Variants in OTUD7B observed in about 807,000 individuals in gnomAD.
OTUD7B encodes the protein OTU deubiquitinase 7B, also known as OTU domain-containing protein 7B.
OTUD7B carries 34 observed loss-of-function variants against 82.2 expected under a neutral mutation model. The ratio of observed to expected loss-of-function variants is 0.41; its 90% confidence interval spans 0.31 to 0.55. The LOEUF (loss-of-function observed/expected upper bound fraction) is 0.55. Among genes scored for constraint, OTUD7B ranks in the 20% least tolerant of loss-of-function variants. OTUD7B has a pLI of 0.20. For synonymous variants in OTUD7B, 398 were observed against 402.7 expected (o/e 0.99, Z 0.14); for missense variants, 944 against 1,062.1 (o/e 0.89, Z 1.55).
intron 7 of OTUD7B, among the ~76,000 whole-genome samples, chr1:149,957,836 A>C (rs1648802896): frequency 6.6e-6 from 1 of 152,226 alleles, no homozygotes; most frequent in African/African-American, 2.4e-5. Context: ...CCTCCGAGCC[A>C]GGCACGGGAT....
At chr1:149,948,624 C>A (rs1647942658) in intron 10 of OTUD7B, among the ~76,000 whole-genome samples, 1 of 151,800 alleles carries the variant, frequency 6.6e-6, no homozygotes, top group South Asian at 2.1e-4. Flanking sequence ...CCCACCTCAG[C>A]CTCCCAAAGT....
chr1:149,943,945 G>C lies in OTUD7B; in HGVS notation c.2444C>G (p.Thr815Arg), dbSNP rs781882769. The change falls in exon 12 of 12, where the codon ACA (threonine) becomes AGA (arginine). Residue 815 changes from threonine (T) to arginine (R), a missense_variant. By Grantham distance (71) the Thr-to-Arg change is moderately conservative. Around this residue, in one of 3 missense-constraint regions of OTUD7B, gnomAD observed 412 missense variants for 418.7 expected, o/e 0.98. Transcript: ENST00000581312. Reference sequence around the variant, plus strand: ...GTAACAACAGGAACAGAAGTTGTTTGTCTCAGGGTGTCCATAGAAGCTGCA... The same window carrying C: ...GTAACAACAGGAACAGAAGTTGTTTCTCTCAGGGTGTCCATAGAAGCTGCA... ...PNCSFYGHPE[T>R]NNFCSCCYRE... 1 of 1,614,234 alleles carries C rather than the reference G, an allele frequency of 6.2e-7. No homozygotes were observed. The highest frequency in any genetic ancestry group is 8.5e-7 in the Non-Finnish European group (1 of 1,180,038).
chr1:149,976,776 T>G (rs782758795), intron 2 of OTUD7B, among the ~76,000 whole-genome samples: 13 of 152,084 alleles, frequency 8.5e-5, no homozygotes, highest in Non-Finnish European at 1.8e-4. Flanking sequence ...GATCCCATCA[T>G]GAAAACCCTA....
At chr1:150,064,553 G>C in the OTUD7B span, among the ~76,000 whole-genome samples, 1 of 152,092 alleles carries the variant, frequency 6.6e-6, no homozygotes, top group Non-Finnish European at 1.5e-5. Context: ...ATTTTGTGTA[G>C]AGACAAGGTT....
chr1:149,944,419 A>G lies in OTUD7B; in HGVS notation c.1970T>C (p.Ile657Thr), dbSNP rs1647537462. Residue 657 changes from isoleucine (I) to threonine (T), a missense_variant, in exon 12 of 12, where the codon ATA becomes ACA. Ile to Thr is a moderately conservative substitution (Grantham distance 89). Coordinates refer to ENST00000581312, the MANE Select transcript of OTUD7B (RefSeq NM_020205.4). ...TTTGGCTGGAGGAGGGCCACCCCCT[A>G]TTCCTCCATTCATGATCTTCCTCTC... is the stretch of plus-strand genomic sequence containing the variant. ...EAERKIMNGG[I>T]GGGPPPAKKP... 6.2e-7 allele frequency: 1 copy of G among 1,613,956 alleles called. No individual in the cohort carries two copies. Among genetic ancestry groups the G allele is most frequent in the Non-Finnish European group, 8.5e-7 (1 of 1,179,974 alleles).
the OTUD7B span, among the ~76,000 whole-genome samples, chr1:150,020,014 G>T: frequency 6.6e-6 from 1 of 152,172 alleles, no homozygotes; most frequent in African/African-American, 2.4e-5. Flanking sequence ...TGCAGTCCTG[G>T]CTACTCAGGA....
At chr1:150,012,938 T>G (rs1202184100), upstream of OTUD7B, among the ~76,000 whole-genome samples, 1 of 152,178 alleles carries the variant, frequency 6.6e-6, no homozygotes, top group Non-Finnish European at 1.5e-5. Context: ...CCTAATCCAT[T>G]AAGTGACTCC....
chr1:149,994,673 C>T (rs1392108488), intron 1 of OTUD7B, among the ~76,000 whole-genome samples: 7 of 151,556 alleles, frequency 4.6e-5, no homozygotes, highest in Non-Finnish European at 1.0e-4. Context: ...CGCAGTGGCA[C>T]GATCATAGCT....
chr1:150,064,233 G>A, the OTUD7B span, among the ~76,000 whole-genome samples: 1 of 152,124 alleles, frequency 6.6e-6, no homozygotes, highest in Non-Finnish European at 1.5e-5. Flanking sequence ...AAATTCATGA[G>A]GTAGGTTACG....
intron 2 of OTUD7B, among the ~76,000 whole-genome samples, chr1:149,975,068 A>G (rs1650214326): frequency 6.6e-6 from 1 of 151,932 alleles, no homozygotes; most frequent in Non-Finnish European, 1.5e-5. Context: ...TTACTACCTC[A>G]TTATTAATAG....
the OTUD7B span, among the ~76,000 whole-genome samples, chr1:150,060,079 G>C: frequency 2.6e-5 from 4 of 152,152 alleles, no homozygotes; most frequent in Non-Finnish European, 5.9e-5. Flanking sequence ...TTTAATATTG[G>C]CATATAAAAG....
intron 1 of OTUD7B, among the ~76,000 whole-genome samples, chr1:149,984,735 C>T (rs182432033): frequency 6.6e-6 from 1 of 152,320 alleles, no homozygotes; most frequent in Admixed American, 6.5e-5. Context: ...TCCTTTCAAA[C>T]TATTCCTCTT....
At chr1:149,952,088 T>G (rs1553773610) in intron 7 of OTUD7B, among the ~76,000 whole-genome samples, 1 of 152,182 alleles carries the variant, frequency 6.6e-6, no homozygotes, top group Admixed American at 6.5e-5. Flanking sequence ...CTAGGGTACA[T>G]GTGCACAATG....
chr1:150,064,650 T>C, the OTUD7B span, among the ~76,000 whole-genome samples: 1 of 152,158 alleles, frequency 6.6e-6, no homozygotes, highest in Non-Finnish European at 1.5e-5. Context: ...ATTACAGGCA[T>C]GAACCACTGT....
upstream of OTUD7B, among the ~76,000 whole-genome samples, chr1:150,012,684 G>A (rs1363045051): frequency 6.6e-6 from 1 of 152,194 alleles, no homozygotes; most frequent in Non-Finnish European, 1.5e-5. Flanking sequence ...GGGCCAAGTT[G>A]CTGGTCAAAG....
the OTUD7B span, among the ~76,000 whole-genome samples, chr1:150,043,068 A>G: frequency 1.3e-5 from 2 of 152,224 alleles, no homozygotes; most frequent in African/African-American, 4.8e-5. Context: ...AGCAAAGTCC[A>G]GAGACCTTTG....
chr1:149,995,701 T>G (rs1651880434), intron 1 of OTUD7B, among the ~76,000 whole-genome samples: 1 of 152,126 alleles, frequency 6.6e-6, no homozygotes, highest in Non-Finnish European at 1.5e-5. Flanking sequence ...TCTTCAGCAT[T>G]TTTTTTATGC....
intron 7 of OTUD7B, among the ~76,000 whole-genome samples, chr1:149,955,640 G>A (rs1389629744): frequency 6.6e-6 from 1 of 151,692 alleles, no homozygotes; most frequent in South Asian, 2.1e-4. Flanking sequence ...TTGACAGTGG[G>A]GTGTTAAAGT....
intron 1 of OTUD7B, among the ~76,000 whole-genome samples, chr1:149,999,648 G>C (rs1236548692): frequency 6.6e-6 from 1 of 152,184 alleles, no homozygotes; most frequent in Non-Finnish European, 1.5e-5. Context: ...AGGATGGCTT[G>C]AGCCCAGGAG....
Sources: allele counts gnomAD v4.1 joint callset (sites outside exome capture counted in the v4.1 genomes callset), GRCh38; gene constraint gnomAD v4.1.1; regional missense constraint gnomAD v4.1.1; transcripts MANE v1.5; gene names NCBI Gene and HGNC (gene_info 2026-07-23, HGNC 2026-07-21).